Variants in PPP6R3 observed in about 807,000 individuals in gnomAD.
The protein encoded by PPP6R3 is protein phosphatase 6 regulatory subunit 3.
PPP6R3 carries 38 observed loss-of-function variants against 110.7 expected under a neutral mutation model. The ratio of observed to expected loss-of-function variants is 0.34; its 90% CI spans 0.26 to 0.45. PPP6R3 has a LOEUF of 0.45. Ranked by LOEUF, PPP6R3 falls within the 20% of genes least tolerant of loss-of-function variation. PPP6R3 has a pLI of 1.00. For missense variants in PPP6R3, 870 were observed against 1,062.4 expected, an observed-to-expected ratio of 0.82 and a Z score of 2.52; for synonymous variants, 369 against 373.5, an observed-to-expected ratio of 0.99 and a Z score of 0.14.
At chr11:68,565,681 G>A (rs1175014499) in intron 9 of PPP6R3, among the ~76,000 whole-genome samples, 1 of 151,880 alleles carries the variant, frequency 6.6e-6, no homozygotes, top group Non-Finnish European at 1.5e-5. Context: ...TCTGGTTCTG[G>A]GCCCCGATTC....
At chr11:68,481,120 A>T (rs1021987929) in intron 1 of PPP6R3, among the ~76,000 whole-genome samples, 1 of 152,230 alleles carries the variant, frequency 6.6e-6, no homozygotes, top group Non-Finnish European at 1.5e-5. Flanking sequence ...TACATGGCCT[A>T]TCCCAAGAGA....
rs568778832 is a variant in PPP6R3, at chr11:68,606,073, A to C, written c.2450+2581A>C. Among the ~76,000 whole-genome samples, 3 of 152,360 alleles carry C rather than the reference A, an allele frequency of 2.0e-5. No homozygotes were observed. The East Asian group carries it at 5.8e-4, about 29-fold the overall frequency. On this transcript the variant is annotated intron_variant, in intron 22 of 23. Coordinates refer to ENST00000393800, the MANE Select transcript of PPP6R3 (RefSeq NM_001164161.2). ...AAGGTATTTGCTGACTGGATCCAAC[A>C]GTGTATTAAAAATAATTTATAATGA...
intron 1 of PPP6R3, among the ~76,000 whole-genome samples, chr11:68,499,610 C>T (rs1348364279): frequency 2.0e-5 from 3 of 151,988 alleles, no homozygotes; most frequent in Non-Finnish European, 4.4e-5. Context: ...ATTCTGTCAC[C>T]CAGGCTGGAG....
chr11:68,475,755 C>T (rs541208685), intron 1 of PPP6R3, among the ~76,000 whole-genome samples: 9 of 134,988 alleles, frequency 6.7e-5, no homozygotes, highest in East Asian at 4.3e-4. Flanking sequence ...GGGCGGCTGC[C>T]GGGCGGAGGG....
chr11:68,477,071 G>A (rs1393280791), intron 1 of PPP6R3, among the ~76,000 whole-genome samples: 1 of 151,814 alleles, frequency 6.6e-6, no homozygotes, highest in African/African-American at 2.4e-5. Flanking sequence ...GGTCTAATGC[G>A]ATTTTGATTC....
intron 5 of PPP6R3, among the ~76,000 whole-genome samples, chr11:68,549,923 C>T (rs1051069362): frequency 2.0e-5 from 3 of 152,170 alleles, no homozygotes; most frequent in Non-Finnish European, 2.9e-5. Flanking sequence ...CTGTGAATAG[C>T]TGTGGAGACA....
intron 1 of PPP6R3, among the ~76,000 whole-genome samples, chr11:68,474,962 GA>G (rs2098817667): frequency 1.3e-5 from 2 of 151,524 alleles, no homozygotes. Flanking sequence ...GTTTCTCGCA[GA>G]GGGGGATTTG....
intron 23 of PPP6R3, among the ~76,000 whole-genome samples, chr11:68,610,752 A>T (rs75322700): frequency 0.014 from 2,134 of 152,240 alleles, 64 homozygotes; most frequent in African/African-American, 0.049. Flanking sequence ...CCCACAATCA[A>T]CTTCTGTGAA....
At chr11:68,582,294 T>C (rs2099559170) in intron 14 of PPP6R3, among the ~76,000 whole-genome samples, 1 of 152,254 alleles carries the variant, frequency 6.6e-6, no homozygotes, top group South Asian at 2.1e-4. Flanking sequence ...CTACTATTAG[T>C]GCTGTACTTA....
intron 2 of PPP6R3, among the ~76,000 whole-genome samples, chr11:68,536,857 C>T (rs750028209): frequency 7.2e-5 from 11 of 152,156 alleles, no homozygotes; most frequent in Non-Finnish European, 1.6e-4. Flanking sequence ...AGGTCTTTTC[C>T]TGTGATGCTA....
Position 68,478,921 on chromosome 11 carries a change from G to A in PPP6R3, c.-158+18094G>A, listed in dbSNP as rs372547440. ...TCCACCTGCCTCAGCCTCCCAGAGTGCTGGGATTACAGGCATGAGCCACCA... is the reference window on the plus strand; with the variant it reads ...TCCACCTGCCTCAGCCTCCCAGAGTACTGGGATTACAGGCATGAGCCACCA... On this transcript the variant is annotated intron_variant, in intron 1 of 23. Transcript: ENST00000393800. Among the ~76,000 whole-genome samples, 557 of 152,118 alleles carry A rather than the reference G, an allele frequency of 3.7e-3. 4 individuals are homozygous for A. Among genetic ancestry groups the A allele is most frequent in the African/African-American group, 0.01 (431 of 41,478 alleles).
chr11:68,569,586 G>A (rs538747071), intron 10 of PPP6R3, among the ~76,000 whole-genome samples, 162 bp from the exon 11 acceptor site: 1 of 152,256 alleles, frequency 6.6e-6, no homozygotes, highest in South Asian at 2.1e-4. Flanking sequence ...ATGAAACTGT[G>A]GTTATGCAAG....
chr11:68,466,987 C>A (rs554129236), intron 1 of PPP6R3, among the ~76,000 whole-genome samples: 1 of 152,162 alleles, frequency 6.6e-6, no homozygotes, highest in Non-Finnish European at 1.5e-5. Context: ...GTGAGCCGCC[C>A]GCCTTGGCCT....
At chr11:68,526,657 C>T (rs1191899173) in intron 2 of PPP6R3, among the ~76,000 whole-genome samples, 1 of 152,174 alleles carries the variant, frequency 6.6e-6, no homozygotes, top group Non-Finnish European at 1.5e-5. Flanking sequence ...CGGTTTCCTT[C>T]ATCTCTTAAG....
chr11:68,582,993 G>A, intron 14 of PPP6R3, 50 bp from the exon 15 acceptor site: 4 of 1,249,636 alleles, frequency 3.2e-6, no homozygotes, highest in Non-Finnish European at 4.4e-6. Flanking sequence ...TGATACAAAT[G>A]TCCAAAACTT....
intron 1 of PPP6R3, among the ~76,000 whole-genome samples, chr11:68,497,381 T>C (rs536919468): frequency 6.7e-6 from 1 of 149,822 alleles, no homozygotes; most frequent in African/African-American, 2.5e-5. Flanking sequence ...TGAGACAGGG[T>C]TTCACTCTGT....
chr11:68,473,957 G>C (rs1420925706), intron 1 of PPP6R3, among the ~76,000 whole-genome samples: 1 of 151,790 alleles, frequency 6.6e-6, no homozygotes, highest in Non-Finnish European at 1.5e-5. Flanking sequence ...TTAACATTTT[G>C]AAGATTTGCC....
At chr11:68,591,858 A>G (rs1335728360) in intron 18 of PPP6R3, 152 bp downstream of exon 18, 2 of 967,590 alleles carry the variant, frequency 2.1e-6, no homozygotes, top group Non-Finnish European at 1.5e-6. Context: ...TGTTGGCGGG[A>G]GTTGGTGCTT....
At chr11:68,573,784 G>T (rs899334797) in intron 12 of PPP6R3, among the ~76,000 whole-genome samples, 1 of 152,064 alleles carries the variant, frequency 6.6e-6, no homozygotes, top group Non-Finnish European at 1.5e-5. Context: ...ATAACATTAG[G>T]CATCAGAGAA....
Sources: gnomAD v4.1 joint callset for allele counts (sites outside exome capture counted in the v4.1 genomes callset) on GRCh38, gnomAD v4.1.1 for gene constraint, MANE v1.5 for transcripts, NCBI Gene and HGNC (gene_info 2026-07-23, HGNC 2026-07-21) for gene names.